F2: variants seen among roughly 807,000 people sequenced by gnomAD.
F2 encodes the protein prothrombin.
A neutral mutation model predicts 81.9 loss-of-function variants in F2; 34 were observed. The ratio of observed to expected loss-of-function variants is 0.42; its 90% CI spans 0.32 to 0.55. F2 has a LOEUF of 0.55. F2 is among the 20% of genes least tolerant of loss of function. The pLI is 0.18. For synonymous variants in F2, 296 were observed against 326.4 expected (o/e 0.91, Z 1.01); for missense variants, 630 against 833.4 (o/e 0.76, Z 3.00).
At chr11:46,739,002 G>A in intron 12 of F2, 46 bp from the exon 13 acceptor site, 1 of 1,604,372 alleles carries the variant, frequency 6.2e-7, no homozygotes, top group South Asian at 1.1e-5. Context: ...GGCGTGGCTG[G>A]GCTATGAGCT....
Position 46,728,564 on chromosome 11 carries a change from T to C in F2, c.1299-100T>C. On this transcript the variant is annotated intron_variant, in intron 10 of 13. Transcript: ENST00000311907. The surrounding 1 kb of genome is among the most constrained non-coding windows in gnomAD (Gnocchi z 5.1). ...CAGCCCTATCCCCTCCCTGGTGGCC[T>C]GCAGGACACACTGTCTCCCAGACCC... is the stretch of plus-strand genomic sequence containing the variant. The C allele has an allele frequency of 1.4e-6, 2 of 1,381,148 alleles. No homozygotes were observed. Among genetic ancestry groups the C allele is most frequent in the Non-Finnish European group, 2.0e-6 (2 of 977,560 alleles). 85.6% of individuals were successfully genotyped at this position (1,381,148 alleles called of 1,614,324 possible).
In F2 at chr11:46,723,266, C is replaced by T. The variant is rs372312087; in HGVS notation, c.403C>T (p.Arg135Cys). 1.9e-5 allele frequency: 30 copies of T among 1,613,932 alleles called. No individual in the cohort carries two copies. The highest frequency in any genetic ancestry group is 1.6e-4 in the Middle Eastern group (1 of 6,084). The change falls in exon 5 of 14, where the codon CGC becomes TGC. Residue 135 changes from arginine to cysteine, a missense_variant. Transcript: ENST00000311907. This position sits in a 1 kb window ranked among gnomAD's most constrained non-coding sequence, Gnocchi z 5.6. ...SGIECQLWRS[R>C]YPHKPEINST... ...CATTGAGTGCCAGCTATGGAGGAGT[C>T]GCTACCCACATAAGCCTGAGTGAGT...
intron 12 of F2, among the ~76,000 whole-genome samples, chr11:46,738,807 A>G (rs1447204788): frequency 6.6e-6 from 1 of 152,210 alleles, no homozygotes; most frequent in Admixed American, 6.5e-5. Flanking sequence ...GTGGGCAAAG[A>G]ATGAAGGAAA....
chr11:46,726,616 G>A lies in F2; in HGVS notation c.993G>A (p.Ser331=), dbSNP rs375641046. The change falls in exon 8 of 14, where the codon TCG becomes TCA. Residue 331 remains serine, a synonymous_variant. Transcript: ENST00000311907. The surrounding 1 kb of genome is among the most constrained non-coding windows in gnomAD (Gnocchi z 5.9). ...QTFFNPRTFG[S]GEADCGLRPL... is the part of the protein sequence containing the mutation. ...TCTTCAATCCGAGGACCTTTGGCTC[G>A]GGAGAGGCAGGTGAGGTAGTGGGCA... 93 of 1,613,974 alleles carry A rather than the reference G, an allele frequency of 5.8e-5. No individual in the cohort carries two copies. Among genetic ancestry groups the A allele is most frequent in the Non-Finnish European group, 6.8e-5 (80 of 1,179,984 alleles).
chr11:46,732,988 GCTCT>G (rs2064922649), intron 12 of F2, among the ~76,000 whole-genome samples: 2 of 152,006 alleles, frequency 1.3e-5, no homozygotes, highest in African/African-American at 4.8e-5. Context: ...TTACTTCTAG[GCTCT>G]CTTAGTGGAC....
chr11:46,739,112 C>A lies in F2; in HGVS notation c.1719C>A (p.Val573=). The A allele has an allele frequency of 1.2e-6, 2 of 1,614,156 alleles. No individual in the cohort carries two copies. Among genetic ancestry groups the A allele is most frequent in the South Asian group, 1.1e-5 (1 of 91,064 alleles). ...AAGGTGACAGTGGGGGACCCTTTGT[C>A]ATGAAGGTAAGCTTCTCTAAAGCCC... ...ACEGDSGGPF[V]MKSPFNNRWY... Residue 573 remains valine, a synonymous_variant, in exon 13 of 14, where the codon GTC becomes GTA. Transcript: ENST00000311907.
Position 46,719,445 on chromosome 11 carries a change from G to A in F2, c.79+131G>A, listed in dbSNP as rs2064821278. 1 of 1,144,690 alleles carries A rather than the reference G, an allele frequency of 8.7e-7. No individual in the cohort carries two copies. Among genetic ancestry groups the A allele is most frequent in the Non-Finnish European group, 1.3e-6 (1 of 785,582 alleles). The allele number at this position is 1,144,690 out of a possible 1,614,324, so 70.9% of individuals were successfully genotyped here. A position where few individuals can be genotyped will look rare whatever the true frequency, so the allele number is the denominator to read the frequency against. On this transcript the variant is annotated intron_variant, in intron 1 of 13. Coordinates refer to ENST00000311907, the MANE Select transcript of F2 (RefSeq NM_000506.5). The surrounding 1 kb of genome is among the most constrained non-coding windows in gnomAD (Gnocchi z 4.7). ...GTCTCAGCCCCAGGCGGCCAGCTTAGGGAAGAAGTCAGGAGCTCAGGGCTG... is the reference window on the plus strand; with the variant it reads ...GTCTCAGCCCCAGGCGGCCAGCTTAAGGAAGAAGTCAGGAGCTCAGGGCTG...
chr11:46,725,069 CTTTTT>C (rs71455298), intron 6 of F2, among the ~76,000 whole-genome samples: 1 of 106,242 alleles, frequency 9.4e-6, no homozygotes, highest in Non-Finnish European at 1.8e-5. Flanking sequence ...TGCGCCCGGC[CTTTTT>C]TTTTTTTTTT....
Position 46,723,669 on chromosome 11 carries a change from T to C in F2, c.559+151T>C, listed in dbSNP as rs2064853720. ...ACTTTGGGAGGCTGAGGCAGGCAGA[T>C]CACCTGAGGTCAGGGGTTTGAGACC... On this transcript the variant is annotated intron_variant, in intron 6 of 13. Transcript: ENST00000311907. This position sits in a 1 kb window ranked among gnomAD's most constrained non-coding sequence, Gnocchi z 5.6. 1 of 1,003,490 alleles carries C rather than the reference T, an allele frequency of 1.0e-6. No homozygotes were observed. The highest frequency in any genetic ancestry group is 1.5e-6 in the Non-Finnish European group (1 of 687,886). The allele number at this position is 1,003,490 out of a possible 1,614,324, so 62.2% of individuals were successfully genotyped here. A position where few individuals can be genotyped will look rare whatever the true frequency, so the allele number is the denominator to read the frequency against.
In F2 at chr11:46,729,507, C is replaced by T; in HGVS notation, c.1600C>T (p.Pro534Ser). The change falls in exon 12 of 14, where the codon CCG becomes TCG. Residue 534 changes from proline to serine, a missense_variant. Coordinates refer to ENST00000311907, the MANE Select transcript of F2 (RefSeq NM_000506.5). The part of the protein sequence containing the change: ...QVVNLPIVER[P>S]VCKDSTRIRI... Reference sequence around the variant, plus strand: ...GGTGAACCTGCCCATTGTGGAGCGGCCGGTCTGCAAGGACTCCACCCGGAT... The same window carrying T: ...GGTGAACCTGCCCATTGTGGAGCGGTCGGTCTGCAAGGACTCCACCCGGAT... 1 of 1,614,040 alleles carries T rather than the reference C, an allele frequency of 6.2e-7. No individual in the cohort carries two copies. Among genetic ancestry groups the T allele is most frequent in the Non-Finnish European group, 8.5e-7 (1 of 1,179,970 alleles).
rs1169282979 is a variant in F2 at position 46,729,374 on chromosome 11, C to T, written c.1473-6C>T. On this transcript the variant is annotated splice_polypyrimidine_tract_variant and splice_region_variant and intron_variant, in intron 11 of 13. Coordinates refer to ENST00000311907, the MANE Select transcript of F2 (RefSeq NM_000506.5). Reference sequence around the variant, plus strand: ...CTCTCACTAGGCCCTTCTTCCTTCCCCAAAGCTTGCTCCAGGCTGGATACA... The same window carrying T: ...CTCTCACTAGGCCCTTCTTCCTTCCTCAAAGCTTGCTCCAGGCTGGATACA... 6.2e-7 allele frequency: 1 copy of T among 1,613,094 alleles called. No individual in the cohort carries two copies. The highest frequency in any genetic ancestry group is 1.7e-5 in the Admixed American group (1 of 60,004).
chr11:46,720,166 C>T lies in F2; in HGVS notation c.240+304C>T. ...CCTCAGCGGCAGACTCCCACACCAC[C>T]CTTGAGGGGTGGGACTCTGGGGAGG... On this transcript the variant is annotated intron_variant, in intron 2 of 13. Coordinates refer to ENST00000311907, the MANE Select transcript of F2 (RefSeq NM_000506.5). 2 of 550,694 alleles carry T rather than the reference C, an allele frequency of 3.6e-6. 1 individual carries two copies. The highest frequency in any genetic ancestry group is 4.1e-5 in the South Asian group (2 of 48,986). 34.1% of individuals were successfully genotyped at this position (550,694 alleles called of 1,614,324 possible).
At chr11:46,727,872 G>A (rs944053403) in intron 9 of F2, 124 bp from the exon 10 acceptor site, 1 of 1,143,534 alleles carries the variant, frequency 8.7e-7, no homozygotes, top group South Asian at 1.5e-5. Flanking sequence ...CCCAAGCTTG[G>A]ATCTGGGCCC....
At chr11:46,730,302 C>T (rs561153912) in intron 12 of F2, among the ~76,000 whole-genome samples, 5 of 151,980 alleles carry the variant, frequency 3.3e-5, no homozygotes, top group South Asian at 2.1e-4. Context: ...CTCCATTGAT[C>T]GATCGATCAA....
chr11:46,738,016 G>A (rs190701191), intron 12 of F2, among the ~76,000 whole-genome samples: 8 of 150,348 alleles, frequency 5.3e-5, no homozygotes, highest in Admixed American at 1.3e-4. Context: ...TTTTTTTTTC[G>A]AGACAGAGTC....
intron 2 of F2, chr11:46,720,284 C>T (rs1052978376): frequency 3.4e-6 from 2 of 593,906 alleles, no homozygotes; most frequent in Non-Finnish European, 6.0e-6. Flanking sequence ...CCACTGCCCC[C>T]TCTCCTCCCA....
intron 2 of F2, 172 bp downstream of exon 2, chr11:46,720,034 G>C (rs2064826698): frequency 1.1e-6 from 1 of 877,934 alleles, no homozygotes. Context: ...AGCCTTTCCT[G>C]GGGGTCTCTG....
At chr11:46,727,479 G>A (rs543256474) in intron 9 of F2, among the ~76,000 whole-genome samples, 1 of 152,174 alleles carries the variant, frequency 6.6e-6, no homozygotes, top group South Asian at 2.1e-4. Context: ...GTTAGGGGGT[G>A]CAAAAAGCAG....
chr11:46,723,633 G>T lies in F2; in HGVS notation c.559+115G>T. 7.5e-7 allele frequency: 1 copy of T among 1,341,070 alleles called. No homozygotes were observed. Among genetic ancestry groups the T allele is most frequent in the South Asian group, 1.3e-5 (1 of 77,900 alleles). 83.1% of individuals were successfully genotyped at this position (1,341,070 alleles called of 1,614,324 possible). ...TACCCAGGCACAGTGGCTCATGCCC[G>T]TAATCCCAGCACTTTGGGAGGCTGA... On this transcript the variant is annotated intron_variant, in intron 6 of 13. Coordinates refer to ENST00000311907, the MANE Select transcript of F2 (RefSeq NM_000506.5). This position sits in a 1 kb window ranked among gnomAD's most constrained non-coding sequence, Gnocchi z 5.6.
Sources: gnomAD v4.1 joint callset for allele counts (sites outside exome capture counted in the v4.1 genomes callset) on GRCh38, gnomAD v4.1.1 for gene constraint, Gnocchi (gnomAD v3.1) non-coding constraint, MANE v1.5 for transcripts, NCBI Gene and HGNC (gene_info 2026-07-23, HGNC 2026-07-21) for gene names.